Variants in MDGA2 observed in about 807,000 individuals in gnomAD.
MDGA2 encodes MAM domain containing glycosylphosphatidylinositol anchor 2, also known as MAM domain-containing glycosylphosphatidylinositol anchor protein 2.
Under a neutral mutation model 117.8 loss-of-function variants are expected in MDGA2, and 40 were observed. The observed-to-expected ratio is 0.34, with a 90% CI of 0.26 to 0.44. The LOEUF is 0.44. Ranked by LOEUF, MDGA2 falls within the 20% of genes least tolerant of loss-of-function variation. The pLI, the probability that MDGA2 is intolerant of heterozygous loss-of-function variation, is 1.00. For synonymous variants in MDGA2, 452 were observed against 439.0 expected (o/e 1.03, Z -0.37); for missense variants, 1,123 against 1,250.6 (o/e 0.90, Z 1.54).
At chr14:47,101,305 A>G (rs1391006104) in intron 5 of MDGA2, among the ~76,000 whole-genome samples, 1 of 152,194 alleles carries the variant, frequency 6.6e-6, no homozygotes, top group East Asian at 1.9e-4. Context: ...CATAGAAAGT[A>G]TATTTTAGAA....
chr14:46,976,282 AAC>A (rs1886456232), intron 8 of MDGA2, among the ~76,000 whole-genome samples: 1 of 152,042 alleles, frequency 6.6e-6, no homozygotes. Context: ...AAAAAACAAA[AAC>A]ACAGTGGCTT....
chr14:47,553,580 T>C (rs996177635), intron 1 of MDGA2, among the ~76,000 whole-genome samples: 1 of 152,214 alleles, frequency 6.6e-6, no homozygotes, highest in African/African-American at 2.4e-5. Context: ...TCACCTCTAT[T>C]TTAATGTTAC....
In MDGA2 at chr14:46,908,058, A is replaced by C. The variant is rs566770588; in HGVS notation, c.2238+11954T>G. Among the ~76,000 whole-genome samples the C allele has an allele frequency of 4.6e-5, 7 of 152,318 alleles. No homozygotes were observed. The South Asian group carries it at 1.4e-3, about 32-fold the overall frequency. On this transcript the variant is annotated intron_variant, in intron 10 of 16. Coordinates refer to ENST00000399232, the MANE Select transcript of MDGA2 (RefSeq NM_001113498.3). ...CACGAAGAGACAATAACCCTCACAC[A>C]TATCATCACACCACTATCATATCAG...
chr14:47,383,708 A>G (rs992996385), intron 1 of MDGA2, among the ~76,000 whole-genome samples: 2 of 151,986 alleles, frequency 1.3e-5, no homozygotes, highest in African/African-American at 2.4e-5. Flanking sequence ...TATTTTTAGT[A>G]GAGACAGGGT....
chr14:47,093,080 T>C (rs564316808), intron 6 of MDGA2, among the ~76,000 whole-genome samples: 23 of 151,812 alleles, frequency 1.5e-4, no homozygotes, highest in African/African-American at 5.6e-4. Context: ...CAGGCTGGGG[T>C]TGGGTTAAGT....
chr14:47,622,611 TG>T (rs139415141), intron 1 of MDGA2, among the ~76,000 whole-genome samples: 3 of 152,018 alleles, frequency 2.0e-5, no homozygotes, highest in Non-Finnish European at 4.4e-5. Context: ...TTAAAGGTGG[TG>T]GGGGACGAAA....
At chr14:47,065,363 C>T (rs1890043404) in intron 6 of MDGA2, among the ~76,000 whole-genome samples, 1 of 152,178 alleles carries the variant, frequency 6.6e-6, no homozygotes, top group Non-Finnish European at 1.5e-5. Context: ...GAAACAGAGG[C>T]TACTCACTGC....
At chr14:47,038,549 C>T (rs1335435416) in intron 7 of MDGA2, among the ~76,000 whole-genome samples, 1 of 152,030 alleles carries the variant, frequency 6.6e-6, no homozygotes, top group African/African-American at 2.4e-5. Flanking sequence ...ATATAAACCT[C>T]AATTTTAATC....
At chr14:47,350,362 G>T (rs1890851530) in intron 1 of MDGA2, among the ~76,000 whole-genome samples, 1 of 152,172 alleles carries the variant, frequency 6.6e-6, no homozygotes, top group African/African-American at 2.4e-5. Context: ...GTGGAGAACT[G>T]TCCAGTTAAG....
At position 47,035,217 on chromosome 14, in the gene MDGA2, C is replaced by T; in HGVS notation, c.1613G>A (p.Gly538Asp). The change falls in exon 8 of 17, where the codon GGC becomes GAC. Residue 538 changes from glycine (G) to aspartate (D), a missense_variant. By Grantham distance (94) the Gly-to-Asp change is moderately conservative. This residue lies in a region of MDGA2 where 890 missense variants were observed against 1,050.3 expected (regional missense o/e 0.85). Coordinates refer to ENST00000399232, the MANE Select transcript of MDGA2 (RefSeq NM_001113498.3). ...CCAAAGGATGATTGGTTTAGGTTTGCCAGTTACTTGACATTGCAGTTCTAT... is the reference window on the plus strand; with the variant it reads ...CCAAAGGATGATTGGTTTAGGTTTGTCAGTTACTTGACATTGCAGTTCTAT... The part of the protein sequence containing the change: ...DTIELQCQVT[G>D]KPKPIILWSR... 6.2e-7 allele frequency: 1 copy of T among 1,614,150 alleles called. No individual in the cohort carries two copies.
intron 1 of MDGA2, among the ~76,000 whole-genome samples, chr14:47,639,794 G>A (rs1897389560): frequency 6.6e-6 from 1 of 152,056 alleles, no homozygotes; most frequent in Non-Finnish European, 1.5e-5. Flanking sequence ...CACTGTATAA[G>A]ACTCCACATG....
chr14:47,255,305 C>G lies in MDGA2; in HGVS notation c.421-37110G>C, dbSNP rs79868428. ...GAGGAAGAGCTTGGAATGGGTTTGA[C>G]TAGACAAACAACCCTCCAGGGAGTC... On this transcript the variant is annotated intron_variant, in intron 2 of 16. Transcript: ENST00000399232. Among the ~76,000 whole-genome samples the G allele has an allele frequency of 7.4e-3, 1,122 of 152,272 alleles. 23 individuals are homozygous for G. In the East Asian group the frequency reaches 0.082, roughly 11 times the overall value.
chr14:47,088,321 T>C (rs528863540), intron 6 of MDGA2, among the ~76,000 whole-genome samples: 18 of 152,218 alleles, frequency 1.2e-4, no homozygotes, highest in African/African-American at 4.3e-4. Flanking sequence ...TGGGGAGGTG[T>C]AATTACTACA....
chr14:47,528,910 A>G (rs1302559489), intron 1 of MDGA2, among the ~76,000 whole-genome samples: 7 of 152,146 alleles, frequency 4.6e-5, no homozygotes, highest in East Asian at 1.9e-4. Context: ...TACAAACTAT[A>G]TATATTCCAA....
At chr14:47,247,795 AC>A (rs1386413206) in intron 2 of MDGA2, among the ~76,000 whole-genome samples, 2 of 149,182 alleles carry the variant, frequency 1.3e-5, no homozygotes, top group Admixed American at 6.7e-5. Context: ...CTCTCCTAGC[AC>A]CCCCCACTCC....
At chr14:47,435,872 A>C (rs1445355267) in intron 1 of MDGA2, among the ~76,000 whole-genome samples, 2 of 152,126 alleles carry the variant, frequency 1.3e-5, no homozygotes, top group Non-Finnish European at 2.9e-5. Context: ...TGAATCTGGC[A>C]GAACGTGGCT....
intron 6 of MDGA2, among the ~76,000 whole-genome samples, chr14:47,064,995 C>G (rs1036346942): frequency 6.6e-6 from 1 of 151,964 alleles, no homozygotes; most frequent in Non-Finnish European, 1.5e-5. Flanking sequence ...ATCCCTTTCC[C>G]CAAATGCAAT....
At chr14:47,338,886 C>T (rs1475597331) in intron 1 of MDGA2, among the ~76,000 whole-genome samples, 5 of 152,050 alleles carry the variant, frequency 3.3e-5, no homozygotes, top group African/African-American at 7.2e-5. Context: ...ATTAAGGATA[C>T]GTAGTGTTGT....
chr14:47,449,409 AT>A (rs556861834), intron 1 of MDGA2, among the ~76,000 whole-genome samples: 4 of 152,134 alleles, frequency 2.6e-5, no homozygotes, highest in East Asian at 1.9e-4. Flanking sequence ...ATTCTTAACT[AT>A]TTTTTGTGCC....
Sources: allele counts gnomAD v4.1 joint callset (sites outside exome capture counted in the v4.1 genomes callset), GRCh38; gene constraint gnomAD v4.1.1; regional missense constraint gnomAD v4.1.1; transcripts MANE v1.5; gene names NCBI Gene and HGNC (gene_info 2026-07-23, HGNC 2026-07-21).